PDK3: variants seen among roughly 807,000 people sequenced by gnomAD.
PDK3 encodes the protein pyruvate dehydrogenase kinase 3.
Under a neutral mutation model 32.0 loss-of-function variants are expected in PDK3, and 12 were observed. That is an observed-to-expected ratio of 0.37 (90% CI 0.24 to 0.61). The LOEUF (loss-of-function observed/expected upper bound fraction) is 0.61. PDK3 is among the 20% of genes least tolerant of loss of function. PDK3 has a pLI of 0.65. For synonymous variants in PDK3, 122 were observed against 116.3 expected (o/e 1.05, Z -0.31); for missense variants, 188 against 316.9 (o/e 0.59, Z 3.09).
chrX:24,476,723 C>G (rs766716050), intron 1 of PDK3, among the ~76,000 whole-genome samples: 36 of 112,189 alleles, frequency 3.2e-4, no homozygotes, highest in African/African-American at 1.0e-3. Context: ...AGGGCTCATT[C>G]TTTGTGTTGC....
At position 24,497,556 on chromosome X, in the gene PDK3, G is replaced by A. The variant is rs945488760; in HGVS notation, c.249-1273G>A. ...TCGCCTCAGCCTCCCGAAGTGCTGG[G>A]ATTACAGGCGTGAGCTAACACGCCC... On this transcript the variant is annotated intron_variant, in intron 2 of 10. Transcript: ENST00000379162. Among the ~76,000 whole-genome samples, 3 of 112,994 alleles carry A rather than the reference G, an allele frequency of 2.7e-5. No individual in the cohort carries two copies. In the Admixed American group the frequency reaches 2.8e-4, roughly 10 times the overall value.
chrX:24,473,880 A>C (rs1171398577), intron 1 of PDK3, among the ~76,000 whole-genome samples: 1 of 111,923 alleles, frequency 8.9e-6, no homozygotes, highest in East Asian at 2.8e-4. Flanking sequence ...CACAAATTTG[A>C]GTTCTCTTTC....
intron 5 of PDK3, among the ~76,000 whole-genome samples, chrX:24,517,676 G>C (rs1442976487): frequency 8.9e-6 from 1 of 112,735 alleles, no homozygotes; most frequent in Non-Finnish European, 1.9e-5. Context: ...ATGCACCTTT[G>C]CTTTCTGAAT....
chrX:24,499,888 GGATCTGT>G (rs1174770798), intron 3 of PDK3, among the ~76,000 whole-genome samples: 1 of 112,322 alleles, frequency 8.9e-6, no homozygotes, highest in Non-Finnish European at 1.9e-5. Flanking sequence ...TTTGTCTGAT[GGATCTGT>G]GAAGTGTGGA....
At position 24,526,625 on chromosome X, in the gene PDK3, A is replaced by G. The variant is rs370486361; in HGVS notation, c.750+351A>G. ...TGGTGATAGCCAGATCAAAATAAAA[A>G]CATGTTTATACATATTTATGCTTCT... On this transcript the variant is annotated intron_variant, in intron 7 of 10. Coordinates refer to ENST00000379162, the MANE Select transcript of PDK3 (RefSeq NM_005391.5). Among the ~76,000 whole-genome samples, 60 of 112,398 alleles carry G rather than the reference A, an allele frequency of 5.3e-4. No individual in the cohort carries two copies. The South Asian group carries it at 6.2e-3, about 12-fold the overall frequency.
intron 5 of PDK3, among the ~76,000 whole-genome samples, chrX:24,514,377 A>G (rs1922201550): frequency 8.9e-6 from 1 of 112,145 alleles, no homozygotes; most frequent in Non-Finnish European, 1.9e-5. Context: ...TTGAAAACAG[A>G]TTCCTAAAAG....
intron 1 of PDK3, among the ~76,000 whole-genome samples, chrX:24,487,523 A>G (rs1173999242): frequency 2.7e-5 from 3 of 112,144 alleles, no homozygotes; most frequent in African/African-American, 9.7e-5. Context: ...TAAAAAGCTT[A>G]AAATAATATG....
rs149781490 is a variant in PDK3, at chrX:24,528,645, T to C, written c.963+459T>C. Among the ~76,000 whole-genome samples the C allele has an allele frequency of 3.6e-3, 403 of 113,077 alleles. 1 individual carries two copies. The highest frequency in any genetic ancestry group is 0.012 in the African/African-American group (383 of 31,179). ...TCCACTGTCAAATTTGTTTATATAA[T>C]TAAAATGTTAAATTATGAAAACATT... is the stretch of plus-strand genomic sequence containing the variant. On this transcript the variant is annotated intron_variant, in intron 9 of 10. Coordinates refer to ENST00000379162, the MANE Select transcript of PDK3 (RefSeq NM_005391.5).
chrX:24,507,631 G>A (rs770801850), intron 5 of PDK3, among the ~76,000 whole-genome samples: 19 of 112,328 alleles, frequency 1.7e-4, no homozygotes, highest in Admixed American at 1.6e-3. Flanking sequence ...GGCTTCCCAT[G>A]TACGCCATTG....
At chrX:24,546,836 G>A (rs1348765645) in exon 12 of PDK3, 1 of 112,314 alleles carries the variant, frequency 8.9e-6, no homozygotes, top group Non-Finnish European at 1.9e-5. Context: ...AGACTTATTT[G>A]CATATAAACT....
At chrX:24,495,823 C>T (rs1387228174) in intron 2 of PDK3, among the ~76,000 whole-genome samples, 1 of 112,025 alleles carries the variant, frequency 8.9e-6, no homozygotes, top group East Asian at 2.8e-4. Context: ...CAGCCCCATC[C>T]TGAGGCTATC....
intron 1 of PDK3, among the ~76,000 whole-genome samples, chrX:24,465,815 C>T (rs1011623243): frequency 7.2e-5 from 8 of 111,788 alleles, no homozygotes. Flanking sequence ...GGCGAGACTC[C>T]CCAAACCTGC....
chrX:24,535,926 G>GAAGGAAGGA, downstream of PDK3, among the ~76,000 whole-genome samples: 1 of 85,946 alleles, frequency 1.2e-5, no homozygotes, highest in Non-Finnish European at 2.2e-5. Context: ...AGAAAGAAAA[G>GAAGGAAGGA]AAGGAAGGAA....
At chrX:24,489,609 C>G (rs1169408969) in intron 1 of PDK3, among the ~76,000 whole-genome samples, 2 of 103,241 alleles carry the variant, frequency 1.9e-5, no homozygotes, top group Non-Finnish European at 3.9e-5. Context: ...CGTTTGAACC[C>G]AGGAGGCGTA....
chrX:24,477,368 A>G (rs1022863860), intron 1 of PDK3, among the ~76,000 whole-genome samples: 7 of 111,872 alleles, frequency 6.3e-5, no homozygotes, highest in Non-Finnish European at 1.3e-4. Context: ...TATCATTTGC[A>G]TAAATTCCTG....
exon 12 of PDK3, among the ~76,000 whole-genome samples, chrX:24,543,871 C>A (rs1447892318): frequency 8.9e-6 from 1 of 112,139 alleles, no homozygotes; most frequent in East Asian, 2.8e-4. Context: ...CATTCTTTTT[C>A]TAGAGTGTAT....
chrX:24,514,478 A>G (rs1922203580), intron 5 of PDK3, among the ~76,000 whole-genome samples: 1 of 112,010 alleles, frequency 8.9e-6, no homozygotes, highest in Non-Finnish European at 1.9e-5. Context: ...GTATGCACAT[A>G]AAAGTAATTT....
intron 5 of PDK3, among the ~76,000 whole-genome samples, chrX:24,514,009 A>G (rs1267771580): frequency 1.8e-5 from 2 of 111,384 alleles, no homozygotes; most frequent in South Asian, 3.8e-4. Context: ...TAATTTTTTC[A>G]GCACTCACTC....
intron 3 of PDK3, among the ~76,000 whole-genome samples, chrX:24,501,426 T>C (rs1269243069): frequency 8.9e-6 from 1 of 112,925 alleles, no homozygotes; most frequent in Non-Finnish European, 1.9e-5. Flanking sequence ...TTTAAATACA[T>C]CTGTTGGCCG....
Sources: gnomAD v4.1 joint callset for allele counts (sites outside exome capture counted in the v4.1 genomes callset) on GRCh38, gnomAD v4.1.1 for gene constraint, MANE v1.5 for transcripts, NCBI Gene and HGNC (gene_info 2026-07-23, HGNC 2026-07-21) for gene names.